Variants in C10orf90 observed in about 807,000 individuals in gnomAD.
C10orf90 encodes the protein (E2-independent) E3 ubiquitin-conjugating enzyme FATS.
A neutral mutation model predicts 62.5 loss-of-function variants in C10orf90; 56 were observed. The observed-to-expected ratio is 0.90, with a 90% confidence interval of 0.72 to 1.12. The LOEUF is 1.12. Ranked by LOEUF, C10orf90 falls within the 50% of genes most tolerant of loss-of-function variation. The pLI, the probability that C10orf90 is intolerant of heterozygous loss-of-function variation, is 0.00. For synonymous variants in C10orf90, 386 were observed against 340.4 expected (o/e 1.13, Z -1.47); for missense variants, 970 against 880.4 (o/e 1.10, Z -1.29).
rs564026403 is a variant in C10orf90 at position 126,661,180 on chromosome 10, C to G, written c.240+9061G>C. ...AGTACTAGTTACAATTTGCCTGCAC[C>G]CAGGGGCCACGTCTTTGTGCCATGG... is the stretch of plus-strand genomic sequence containing the variant. On this transcript the variant is annotated intron_variant, in intron 1 of 9. Transcript: ENST00000488181. Among the ~76,000 whole-genome samples the G allele has an allele frequency of 2.6e-5, 4 of 152,256 alleles. No homozygotes were observed. The South Asian group carries it at 8.3e-4, about 32-fold the overall frequency.
At chr10:126,666,239 A>T (rs1209348173) in intron 1 of C10orf90, among the ~76,000 whole-genome samples, 3 of 152,148 alleles carry the variant, frequency 2.0e-5, no homozygotes, top group Non-Finnish European at 4.4e-5. Context: ...AGGTTGTCAC[A>T]ACCAAACTGT....
At chr10:126,530,543 T>C (rs1021025176) in intron 2 of C10orf90, among the ~76,000 whole-genome samples, 5 of 149,762 alleles carry the variant, frequency 3.3e-5, no homozygotes, top group Non-Finnish European at 7.4e-5. Flanking sequence ...AAACAGAAAG[T>C]ATTAGGACCC....
intron 2 of C10orf90, among the ~76,000 whole-genome samples, chr10:126,572,116 C>T (rs898766992): frequency 2.0e-5 from 3 of 152,144 alleles, no homozygotes; most frequent in African/African-American, 4.8e-5. Flanking sequence ...GAGGTTAAAG[C>T]ATTCTTAGTC....
rs1863034946 is a variant in C10orf90 at position 126,510,439 on chromosome 10, C to T, written c.405+3409G>A. Among the ~76,000 whole-genome samples, 4 of 152,336 alleles carry T rather than the reference C, an allele frequency of 2.6e-5. No individual in the cohort carries two copies. The South Asian group carries it at 8.3e-4, about 32-fold the overall frequency. ...AGCTGTTTCAGGGTGACATTCCATC[C>T]TCCTTTCTACTGGGTTAACGAAACA... On this transcript the variant is annotated intron_variant, in intron 3 of 9. Coordinates refer to ENST00000488181, the MANE Select transcript of C10orf90 (RefSeq NM_001350921.2).
At chr10:126,614,202 C>G (rs74937569) in intron 2 of C10orf90, among the ~76,000 whole-genome samples, 1,866 of 152,220 alleles carry the variant, frequency 0.012, 31 homozygotes, top group African/African-American at 0.043. Context: ...TTGCACTGAG[C>G]CCCTAGGACT....
intron 2 of C10orf90, chr10:126,524,737 G>A: frequency 9.1e-6 from 9 of 985,546 alleles, no homozygotes; most frequent in Non-Finnish European, 1.1e-5. Flanking sequence ...GCACGCACCT[G>A]TATGGCCCCT....
intron 5 of C10orf90, among the ~76,000 whole-genome samples, chr10:126,462,456 C>T (rs1860048584): frequency 6.6e-6 from 1 of 152,188 alleles, no homozygotes; most frequent in African/African-American, 2.4e-5. Context: ...TCCAAACCTT[C>T]CAAAAGTCTC....
chr10:126,595,808 C>A (rs966952142), intron 2 of C10orf90, among the ~76,000 whole-genome samples: 1 of 152,106 alleles, frequency 6.6e-6, no homozygotes, highest in Non-Finnish European at 1.5e-5. Context: ...AGCTGGGGTC[C>A]ACATCTCTAG....
At chr10:126,462,877 A>G (rs1051419630) in intron 5 of C10orf90, among the ~76,000 whole-genome samples, 1 of 152,158 alleles carries the variant, frequency 6.6e-6, no homozygotes, top group African/African-American at 2.4e-5. Flanking sequence ...ATGGCTGTTC[A>G]TGGTAGACGT....
chr10:126,659,431 G>A (rs1214592810), intron 1 of C10orf90, among the ~76,000 whole-genome samples: 1 of 152,160 alleles, frequency 6.6e-6, no homozygotes, highest in African/African-American at 2.4e-5. Context: ...GCTGGGAGGT[G>A]GTTGCTTGCA....
At chr10:126,607,976 C>T (rs1308971412) in intron 2 of C10orf90, among the ~76,000 whole-genome samples, 4 of 152,042 alleles carry the variant, frequency 2.6e-5, no homozygotes, top group Admixed American at 6.5e-5. Context: ...GGTTGCCAGG[C>T]GTCAGGGGAA....
intron 4 of C10orf90, among the ~76,000 whole-genome samples, chr10:126,500,253 G>T (rs1200685689): frequency 6.6e-6 from 1 of 152,200 alleles, no homozygotes; most frequent in Non-Finnish European, 1.5e-5. Flanking sequence ...GGGGCCTGCC[G>T]TTGAGTCACC....
At chr10:126,660,039 G>A (rs1846476350) in intron 1 of C10orf90, among the ~76,000 whole-genome samples, 1 of 152,210 alleles carries the variant, frequency 6.6e-6, no homozygotes, top group African/African-American at 2.4e-5. Flanking sequence ...CAACCTACGT[G>A]CTTTCAATCC....
At chr10:126,605,753 T>A (rs1451096787) in intron 2 of C10orf90, among the ~76,000 whole-genome samples, 1 of 152,004 alleles carries the variant, frequency 6.6e-6, no homozygotes, top group African/African-American at 2.4e-5. Context: ...ACTCTAGCAA[T>A]GACTAGAGCT....
intron 4 of C10orf90, among the ~76,000 whole-genome samples, chr10:126,483,127 G>T (rs1048714984): frequency 2.0e-5 from 3 of 152,142 alleles, no homozygotes; most frequent in Non-Finnish European, 2.9e-5. Flanking sequence ...CTTTATAAAA[G>T]ACAAACAGCT....
intron 2 of C10orf90, among the ~76,000 whole-genome samples, chr10:126,578,711 C>A (rs902231542): frequency 6.6e-6 from 1 of 152,280 alleles, no homozygotes; most frequent in African/African-American, 2.4e-5. Flanking sequence ...TATTCAAATG[C>A]CCAGAATGGG....
In C10orf90 at chr10:126,464,800, A is replaced by C. The variant is rs747967277; in HGVS notation, c.1721T>G (p.Leu574Arg). The change falls in exon 5 of 10, where the codon CTG becomes CGG. Residue 574 changes from leucine (L) to arginine (R), a missense_variant. Leu to Arg is a moderately radical substitution (Grantham distance 102). Coordinates refer to ENST00000488181, the MANE Select transcript of C10orf90 (RefSeq NM_001350921.2). ...CCCAGGAAAAAGGATTCTGGGTTTC[A>C]GGAAGCTTTGATGTCGTCTCTCTGT... is the stretch of plus-strand genomic sequence containing the variant. ...EPTERRHQSF[L>R]KPRILFPGFL... 4 of 1,614,162 alleles carry C rather than the reference A, an allele frequency of 2.5e-6. No individual in the cohort carries two copies. Among genetic ancestry groups the C allele is most frequent in the Non-Finnish European group, 2.5e-6 (3 of 1,180,044 alleles).
At position 126,425,129 on chromosome 10, in the gene C10orf90, C is replaced by T. The variant is rs1347205762; in HGVS notation, c.*735G>A. 1 of 152,082 alleles carries T rather than the reference C, an allele frequency of 6.6e-6. No individual in the cohort carries two copies. The highest frequency in any genetic ancestry group is 1.9e-4 in the East Asian group (1 of 5,204). 9.4% of individuals were successfully genotyped at this position (152,082 alleles called of 1,614,324 possible). On this transcript the variant is annotated 3_prime_UTR_variant, in exon 10 of 10. Transcript: ENST00000488181. The stretch of plus-strand genomic sequence containing the variant: ...TGGAAGAACAGACAGCAAAGTTGGA[C>T]CATTAGGCTATTTCTTAACAAAAGA...
chr10:126,520,990 C>T (rs2133939833), intron 2 of C10orf90: 2 of 266,010 alleles, frequency 7.5e-6, no homozygotes, highest in East Asian at 1.4e-4. Context: ...GGCCCTTATC[C>T]CAATAAGGTC....
Sources: allele counts gnomAD v4.1 joint callset (sites outside exome capture counted in the v4.1 genomes callset), GRCh38; gene constraint gnomAD v4.1.1; transcripts MANE v1.5; gene names NCBI Gene and HGNC (gene_info 2026-07-23, HGNC 2026-07-21).